Variants in RIF1 observed in about 807,000 individuals in gnomAD.
RIF1 encodes the protein replication timing regulatory factor 1, also known as telomere-associated protein RIF1.
In RIF1, 45 loss-of-function variants were observed where a neutral mutation model predicts 247.1. The ratio of observed to expected loss-of-function variants is 0.18; its 90% CI spans 0.14 to 0.23. The LOEUF (loss-of-function observed/expected upper bound fraction) is 0.23, where lower values mean the gene tolerates loss of function less well. Among genes scored for constraint, RIF1 ranks in the 10% least tolerant of loss-of-function variants. The pLI, the probability that RIF1 is intolerant of heterozygous loss-of-function variation, is 1.00. For synonymous variants in RIF1, 1,087 were observed against 978.8 expected (o/e 1.11, Z -2.06); for missense variants, 2,967 against 2,862.5 (o/e 1.04, Z -0.83).
At chr2:151,512,938 G>T, downstream of RIF1, 2 of 755,004 alleles carry the variant, frequency 2.6e-6, no homozygotes, top group South Asian at 1.6e-5. Context: ...TTTCCAAGAG[G>T]GACTCATTCA....
rs766829689 is a variant in RIF1 at position 151,451,618 on chromosome 2, G to A, written c.2257G>A (p.Val753Met). 1.5e-5 allele frequency: 21 copies of A among 1,428,310 alleles called. No homozygotes were observed. The highest frequency in any genetic ancestry group is 2.0e-5 in the Non-Finnish European group (20 of 1,012,468). 88.5% of individuals were successfully genotyped at this position (1,428,310 alleles called of 1,614,324 possible). A position where few individuals can be genotyped will look rare whatever the true frequency, so the allele number is the denominator to read the frequency against. ...CTTTCTTCCCTAGAATTTGTTGTTCGTGGATAGAATTATTTATATTATTAC... is the reference window on the plus strand; with the variant it reads ...CTTTCTTCCCTAGAATTTGTTGTTCATGGATAGAATTATTTATATTATTAC... ...EDEGFSNLLF[V>M]DRIIYIITVM... The change falls in exon 21 of 36, where the codon GTG becomes ATG. Residue 753 changes from valine (V) to methionine (M), a missense_variant. Physicochemically the swap from Val to Met is conservative, Grantham distance 21. Around this residue, in one of 7 missense-constraint regions of RIF1, gnomAD observed 2,028 missense variants for 1,825.6 expected, o/e 1.11. Transcript: ENST00000444746.
intron 12 of RIF1, 62 bp downstream of exon 12, chr2:151,437,065 G>A: frequency 4.3e-6 from 6 of 1,382,246 alleles, no homozygotes; most frequent in African/African-American, 1.5e-5. Flanking sequence ...AATGCATTGG[G>A]GTGAGGAGAG....
At chr2:151,414,651 A>G (rs1474140741) in intron 3 of RIF1, among the ~76,000 whole-genome samples, 172 bp from the exon 4 acceptor site, 4 of 151,588 alleles carry the variant, frequency 2.6e-5, no homozygotes, top group African/African-American at 7.2e-5. Flanking sequence ...AGCTGTACAC[A>G]TGGCCTTTGG....
rs747112697 is a variant in RIF1 at position 151,443,637 on chromosome 2, G to T, written c.1914G>T (p.Gln638His). The T allele has an allele frequency of 6.2e-7, 1 of 1,611,960 alleles. No individual in the cohort carries two copies. Among genetic ancestry groups the T allele is most frequent in the Admixed American group, 1.7e-5 (1 of 59,454 alleles). Residue 638 changes from glutamine to histidine, a missense_variant, in exon 18 of 36, where the codon CAG becomes CAT. Physicochemically the swap from Gln to His is conservative, Grantham distance 24. Around this residue, in one of 7 missense-constraint regions of RIF1, gnomAD observed 369 missense variants for 322.0 expected, o/e 1.15. Transcript: ENST00000444746. Reference protein sequence around the residue: ...VLNVINQNAKQLENKEHLWKM... With the variant: ...VLNVINQNAKHLENKEHLWKM... ...ATGTTATTAATCAAAATGCAAAGCA[G>T]TTGGAAAATAAGGAGCATCTCTGGA...
At chr2:151,519,763 T>C in the RIF1 span, 5 of 1,601,166 alleles carry the variant, frequency 3.1e-6, no homozygotes, top group Non-Finnish European at 3.4e-6. Flanking sequence ...TTTCTCGGTA[T>C]TTAACCTAAC....
intron 9 of RIF1, 53 bp from the exon 10 acceptor site, chr2:151,433,024 A>C (rs1033120486): frequency 7.8e-5 from 110 of 1,401,966 alleles, no homozygotes; most frequent in Non-Finnish European, 9.4e-5. Context: ...CTAGTGTTAG[A>C]GTTAATCTTT....
At chr2:151,417,600 T>C (rs1687430642) in intron 6 of RIF1, among the ~76,000 whole-genome samples, 1 of 152,198 alleles carries the variant, frequency 6.6e-6, no homozygotes, top group Non-Finnish European at 1.5e-5. Context: ...GTACAGACTC[T>C]GATTTTCTTG....
chr2:151,529,335 A>G, the RIF1 span: 9 of 1,502,696 alleles, frequency 6.0e-6, no homozygotes, highest in Non-Finnish European at 8.3e-6. Context: ...AAACACAGTG[A>G]CAAGATTAAT....
intron 9 of RIF1, chr2:151,491,906 C>T: frequency 1.0e-6 from 1 of 982,826 alleles, no homozygotes; most frequent in South Asian, 1.7e-5. Flanking sequence ...TGGGTCATGT[C>T]TTTTCCTCAG....
intron 20 of RIF1, among the ~76,000 whole-genome samples, chr2:151,447,175 C>T (rs1693455690): frequency 6.6e-6 from 1 of 151,814 alleles, no homozygotes; most frequent in Non-Finnish European, 1.5e-5. Context: ...GATCTCCTGA[C>T]CTCGTGATCC....
chr2:151,519,555 G>C, the RIF1 span: 1 of 845,868 alleles, frequency 1.2e-6, no homozygotes, highest in South Asian at 1.7e-5. Context: ...ACAGTAGTTG[G>C]ATAATATTGT....
At chr2:151,443,192 AC>A in intron 16 of RIF1, 66 bp from the exon 17 acceptor site, 1 of 998,764 alleles carries the variant, frequency 1.0e-6, no homozygotes, top group Non-Finnish European at 1.5e-6. Context: ...TTCTTAAATA[AC>A]CAATTATAAA....
At chr2:151,531,551 A>G in the RIF1 span, among the ~76,000 whole-genome samples, 1 of 152,066 alleles carries the variant, frequency 6.6e-6, no homozygotes, top group Non-Finnish European at 1.5e-5. Flanking sequence ...TCGTGGCCTC[A>G]AGTGATCCAC....
At chr2:151,471,537 A>G (rs990775103) in intron 34 of RIF1, among the ~76,000 whole-genome samples, 1 of 152,112 alleles carries the variant, frequency 6.6e-6, no homozygotes, top group Admixed American at 6.5e-5. Flanking sequence ...ATCTTGAATT[A>G]ATTTTTGTAT....
rs201683981 is a variant in RIF1, at chr2:151,498,378, CA to C, written c.*514-960del. ...CTGTATGATGAGAAAGCATCCAGAA[CA>C]AAAAAAGCAATCAATCAGTCATTTT... is the stretch of plus-strand genomic sequence containing the variant. On this transcript the variant is annotated intron_variant and NMD_transcript_variant, in intron 10 of 13. Coordinates refer to the RIF1 transcript ENST00000454583. The C allele has an allele frequency of 8.7e-5, 128 of 1,472,776 alleles. 1 individual carries two copies. In the East Asian group the frequency reaches 1.5e-3, roughly 17 times the overall value. The allele number at this position is 1,472,776 out of a possible 1,614,324, so 91.2% of individuals were successfully genotyped here.
intron 11 of RIF1, among the ~76,000 whole-genome samples, chr2:151,501,104 G>GTGT (rs2064115626): frequency 6.6e-6 from 1 of 152,062 alleles, no homozygotes; most frequent in African/African-American, 2.4e-5. Flanking sequence ...AAGAGCTTTA[G>GTGT]TGTTTGGTTT....
In RIF1 at chr2:151,445,038, A is replaced by G. The variant is rs149871282; in HGVS notation, c.1987-300A>G. Among the ~76,000 whole-genome samples the G allele has an allele frequency of 5.0e-3, 760 of 152,186 alleles. 2 individuals are homozygous for G. The highest frequency in any genetic ancestry group is 8.4e-3 in the Non-Finnish European group (573 of 68,000). On this transcript the variant is annotated intron_variant, in intron 18 of 35. Transcript: ENST00000444746. ...TGGGTTGTAGCTGCATCACTTGACT[A>G]TGCCTCCATCTTCACATGGTATTGT...
Position 151,461,229 on chromosome 2 carries a change from G to A in RIF1, c.3167G>A (p.Gly1056Glu). The stretch of plus-strand genomic sequence containing the variant: ...GACTTTGTGTTTATACCTCCAGAAG[G>A]AAAAGATGCAAAGGAAAGAATATTA... ...STDFVFIPPE[G>E]KDAKERILTD... Residue 1056 changes from glycine (G) to glutamate (E), a missense_variant, in exon 27 of 36, where the codon GGA (glycine) becomes GAA (glutamate). Coordinates refer to ENST00000444746, the MANE Select transcript of RIF1 (RefSeq NM_018151.5). The A allele has an allele frequency of 1.9e-6, 3 of 1,613,560 alleles. No homozygotes were observed. Among genetic ancestry groups the A allele is most frequent in the Non-Finnish European group, 2.5e-6 (3 of 1,179,800 alleles).
At chr2:151,519,841 A>C in the RIF1 span, 468 of 977,160 alleles carry the variant, frequency 4.8e-4, 1 homozygote, top group African/African-American at 6.8e-3. Context: ...TAGTAGAAAC[A>C]CAAATGCCAA....
Sources: gnomAD v4.1 joint callset for allele counts (sites outside exome capture counted in the v4.1 genomes callset) on GRCh38, gnomAD v4.1.1 for gene constraint, gnomAD v4.1.1 regional missense constraint, MANE v1.5 for transcripts, NCBI Gene and HGNC (gene_info 2026-07-23, HGNC 2026-07-21) for gene names.